MICB: variants seen among roughly 807,000 people sequenced by gnomAD.
MICB encodes the protein MHC class I antigen-related protein B.
Under a neutral mutation model 34.3 loss-of-function variants are expected in MICB, and 27 were observed. That is an observed-to-expected ratio of 0.79 (90% CI 0.58 to 1.08). The LOEUF (loss-of-function observed/expected upper bound fraction) is 1.08, where lower values mean the gene tolerates loss of function less well. Ranked by LOEUF, MICB falls within the 50% of genes least tolerant of loss-of-function variation. The probability of loss-of-function intolerance (pLI) is 0.00; values close to 1 mark genes in which losing one functional copy is unlikely to be tolerated. For synonymous variants in MICB, 153 were observed against 187.4 expected, an observed-to-expected ratio of 0.82 and a Z score of 1.50; for missense variants, 426 against 483.1, an observed-to-expected ratio of 0.88 and a Z score of 1.11.
At chr6:31,508,268 T>C (rs1765465329) in intron 5 of MICB, among the ~76,000 whole-genome samples, 1 of 152,182 alleles carries the variant, frequency 6.6e-6, no homozygotes, top group South Asian at 2.1e-4. Flanking sequence ...CCTGAGCCAA[T>C]TTCCCTTTCT....
Position 31,498,187 on chromosome 6 carries a change from A to T in MICB, c.-7A>T. ...TGAGCAGCTGAGAAGGTGGCGACGT[A>T]GGGGCCATGGGGCTGGGCCGGGTCC... On this transcript the variant is annotated 5_prime_UTR_variant, in exon 1 of 6. Transcript: ENST00000252229. 6.3e-7 allele frequency: 1 copy of T among 1,578,384 alleles called. No individual in the cohort carries two copies.
At chr6:31,505,172 G>A (rs2150288490) in intron 1 of MICB, among the ~76,000 whole-genome samples, 1 of 150,804 alleles carries the variant, frequency 6.6e-6, no homozygotes, top group South Asian at 2.1e-4. Context: ...TTTTCTCAAG[G>A]CAGCTCGCCT....
At position 31,505,712 on chromosome 6, in the gene MICB, T is replaced by C. The variant is rs772328228; in HGVS notation, c.166T>C (p.Phe56Leu). ...LAEGHLDGQP[F>L]LRYDRQKRRA... ...TGAGGGACATCTGGATGGTCAGCCCTTCCTGCGCTATGACAGGCAGAAACG... is the reference window on the plus strand; with the variant it reads ...TGAGGGACATCTGGATGGTCAGCCCCTCCTGCGCTATGACAGGCAGAAACG... The change falls in exon 2 of 6, where the codon TTC becomes CTC. Residue 56 changes from phenylalanine to leucine, a missense_variant. Transcript: ENST00000252229. 23 of 1,612,954 alleles carry C rather than the reference T, an allele frequency of 1.4e-5. No homozygotes were observed. The highest frequency in any genetic ancestry group is 6.7e-5 in the Admixed American group (4 of 60,000).
At chr6:31,504,766 A>G (rs1403045881) in intron 1 of MICB, among the ~76,000 whole-genome samples, 2 of 152,094 alleles carry the variant, frequency 1.3e-5, no homozygotes, top group East Asian at 1.9e-4. Flanking sequence ...TGAACATTAT[A>G]CCCAATGTTT....
chr6:31,505,766 GAAA>G lies in MICB; in HGVS notation c.222_224del (p.Glu74_Asn75delinsAsp), dbSNP rs777573112. ...GGCAAAGCCCCAGGGACAGTGGGCAGAAAATGTCCTGGGAGCTAAGACCTGGGA... is the reference window on the plus strand; with the variant it reads ...GGCAAAGCCCCAGGGACAGTGGGCAGATGTCCTGGGAGCTAAGACCTGGGA... On this transcript the variant is annotated inframe_deletion, in exon 2 of 6. Transcript: ENST00000252229. The G allele has an allele frequency of 1.2e-6, 2 of 1,613,246 alleles. No homozygotes were observed. The highest frequency in any genetic ancestry group is 8.5e-7 in the Non-Finnish European group (1 of 1,180,050).
chr6:31,506,528 T>G, intron 3 of MICB, 98 bp downstream of exon 3: 1 of 1,329,218 alleles, frequency 7.5e-7, no homozygotes. Context: ...GTGCTATGGA[T>G]GCAGGCGTTT....
chr6:31,501,527 T>C (rs1337138703), intron 1 of MICB, among the ~76,000 whole-genome samples: 2 of 152,172 alleles, frequency 1.3e-5, no homozygotes, highest in African/African-American at 4.8e-5. Flanking sequence ...TCTTAGAGAG[T>C]TTCCCCAATG....
At chr6:31,497,203 C>T (rs1300602010), upstream of MICB, among the ~76,000 whole-genome samples, 14 of 151,950 alleles carry the variant, frequency 9.2e-5, no homozygotes, top group Non-Finnish European at 1.3e-4. Flanking sequence ...CTTTGACTCC[C>T]GGAGATGAAG....
At chr6:31,503,236 C>T (rs1048875341) in intron 1 of MICB, among the ~76,000 whole-genome samples, 1 of 152,144 alleles carries the variant, frequency 6.6e-6, no homozygotes, top group Non-Finnish European at 1.5e-5. Flanking sequence ...ATATTCCTGG[C>T]TTTGTAAAAT....
Position 31,501,252 on chromosome 6 carries a change from G to A in MICB, c.70+2989G>A, listed in dbSNP as rs1562357963. On this transcript the variant is annotated intron_variant, in intron 1 of 5. Coordinates refer to ENST00000252229, the MANE Select transcript of MICB (RefSeq NM_005931.5). The stretch of plus-strand genomic sequence containing the variant: ...TCTTCTTTTGAGAAATGACTATTCA[G>A]ATCTTTTGCTCATTTTTAAGTTGGA... Among the ~76,000 whole-genome samples the A allele has an allele frequency of 3.3e-5, 5 of 152,252 alleles. No individual in the cohort carries two copies. In the South Asian group the frequency reaches 1.0e-3, roughly 32 times the overall value.
At chr6:31,499,847 G>A (rs1764926109) in intron 1 of MICB, among the ~76,000 whole-genome samples, 1 of 152,042 alleles carries the variant, frequency 6.6e-6, no homozygotes, top group South Asian at 2.1e-4. Flanking sequence ...AGCTGCCTGG[G>A]GCCCTCAGCA....
upstream of MICB, chr6:31,497,975 T>C (rs1764758382): frequency 3.0e-6 from 1 of 329,320 alleles, no homozygotes; most frequent in South Asian, 2.6e-5. Flanking sequence ...AGGTCCCGCC[T>C]TCTAAATTTC....
intron 1 of MICB, among the ~76,000 whole-genome samples, chr6:31,499,450 A>G (rs1334035321): frequency 1.4e-5 from 2 of 145,932 alleles, no homozygotes; most frequent in East Asian, 4.1e-4. Context: ...TGCCTCCTTT[A>G]TGGGCCTTTC....
Position 31,505,538 on chromosome 6 carries a change from G to C in MICB, c.71-79G>C, listed in dbSNP as rs1765255708. The stretch of plus-strand genomic sequence containing the variant: ...TTTCCTGCCTCCTCAGGGAGGTCGG[G>C]ACAGCAGACCTGTGTGTTAAACATC... On this transcript the variant is annotated intron_variant, in intron 1 of 5. Transcript: ENST00000252229. The C allele has an allele frequency of 3.2e-6, 5 of 1,575,108 alleles. No individual in the cohort carries two copies. In the East Asian group the frequency reaches 1.1e-4, roughly 35 times the overall value.
intron 1 of MICB, among the ~76,000 whole-genome samples, chr6:31,498,932 G>A (rs1764861347): frequency 6.6e-6 from 1 of 152,140 alleles, no homozygotes; most frequent in African/African-American, 2.4e-5. Flanking sequence ...GGCATTGGAA[G>A]GCCGTTCCAG....
intron 1 of MICB, among the ~76,000 whole-genome samples, chr6:31,504,957 C>T (rs1765214371): frequency 6.6e-6 from 1 of 152,162 alleles, no homozygotes; most frequent in Non-Finnish European, 1.5e-5. Flanking sequence ...CTGTCACCTG[C>T]CCACCCCAGT....
At chr6:31,503,892 G>T (rs1452007810) in intron 1 of MICB, among the ~76,000 whole-genome samples, 1 of 151,174 alleles carries the variant, frequency 6.6e-6, no homozygotes, top group East Asian at 1.9e-4. Flanking sequence ...GTGCCATTTT[G>T]TATTTCTAGA....
rs373681038 is a variant in MICB, at chr6:31,505,737, G to T, written c.191G>T (p.Arg64Leu). The T allele has an allele frequency of 1.9e-6, 3 of 1,613,052 alleles. No individual in the cohort carries two copies. Among genetic ancestry groups the T allele is most frequent in the South Asian group, 1.1e-5 (1 of 91,092 alleles). The change falls in exon 2 of 6, where the codon CGC becomes CTC. Residue 64 changes from arginine (R) to leucine (L), a missense_variant. By Grantham distance (102) the Arg-to-Leu change is moderately radical (BLOSUM62 -2). Coordinates refer to ENST00000252229, the MANE Select transcript of MICB (RefSeq NM_005931.5). ...TTCCTGCGCTATGACAGGCAGAAAC[G>T]CAGGGCAAAGCCCCAGGGACAGTGG... ...QPFLRYDRQKRRAKPQGQWAE... is the reference protein window; with the variant it reads ...QPFLRYDRQKLRAKPQGQWAE...
chr6:31,495,509 A>G (rs1764606638), upstream of MICB, among the ~76,000 whole-genome samples: 1 of 152,232 alleles, frequency 6.6e-6, no homozygotes, highest in South Asian at 2.1e-4. Context: ...AAAATAAATT[A>G]TCAGTGAATG....
Sources: allele counts gnomAD v4.1 joint callset (sites outside exome capture counted in the v4.1 genomes callset), GRCh38; gene constraint gnomAD v4.1.1; transcripts MANE v1.5; gene names NCBI Gene and HGNC (gene_info 2026-07-23, HGNC 2026-07-21).